The following SH3BGRL variants were observed in gnomAD, a reference collection of about 807,000 sequenced individuals.
SH3BGRL encodes SH3 domain binding glutamate rich protein like, also known as adapter SH3BGRL.
Under a neutral mutation model 9.8 loss-of-function variants are expected in SH3BGRL, and 7 were observed. The ratio of observed to expected loss-of-function variants is 0.72; its 90% confidence interval spans 0.41 to 1.35. The LOEUF (loss-of-function observed/expected upper bound fraction) is 1.35, where lower values mean the gene tolerates loss of function less well. Ranked by LOEUF, SH3BGRL falls within the 40% of genes most tolerant of loss-of-function variation. The probability of loss-of-function intolerance (pLI) is 0.01; values close to 1 mark genes in which losing one functional copy is unlikely to be tolerated. For synonymous variants in SH3BGRL, 36 were observed against 29.1 expected (o/e 1.24, Z -0.76); for missense variants, 73 against 84.4 (o/e 0.86, Z 0.53).
Position 81,250,356 on chromosome X carries a change from G to A in SH3BGRL, c.46-26628G>A, listed in dbSNP as rs1436810043. Among the ~76,000 whole-genome samples, 5 of 106,274 alleles carry A rather than the reference G, an allele frequency of 4.7e-5. No individual in the cohort carries two copies. In the East Asian group the frequency reaches 1.5e-3, roughly 31 times the overall value. 92.3% of individuals were successfully genotyped at this position (106,274 alleles called of 115,157 possible). On this transcript the variant is annotated intron_variant, in intron 1 of 3. Transcript: ENST00000373212. ...CAGAGGTTGCAGTGAGCCAAGATCC[G>A]AGATCTCGCCACTGCATTCCAGCCT...
chrX:81,241,498 C>A (rs2075669521), intron 1 of SH3BGRL, among the ~76,000 whole-genome samples: 1 of 111,807 alleles, frequency 8.9e-6, no homozygotes, highest in African/African-American at 3.3e-5. Flanking sequence ...AATCAATAAT[C>A]ATTTCCTCCC....
rs375895178 is a variant in SH3BGRL at position 81,289,685 on chromosome X, C to A, written c.313-7510C>A. 7.6e-4 allele frequency among the ~76,000 whole-genome samples: 84 copies of A among 110,698 alleles called. 2 individuals carry two copies. In the East Asian group the frequency reaches 0.019, roughly 25 times the overall value. On this transcript the variant is annotated intron_variant, in intron 3 of 3. Transcript: ENST00000373212. ...CCTGCCTGACCAACAAGGTGAAACCCCGTCTCTACTAAAAATACAAAAATT... is the reference window on the plus strand; with the variant it reads ...CCTGCCTGACCAACAAGGTGAAACCACGTCTCTACTAAAAATACAAAAATT...
intron 1 of SH3BGRL, among the ~76,000 whole-genome samples, chrX:81,270,992 G>A (rs1278704583): frequency 8.9e-6 from 1 of 112,065 alleles, no homozygotes; most frequent in East Asian, 2.8e-4. Context: ...CGTGTCCCAG[G>A]TCAATCTCAG....
intron 1 of SH3BGRL, among the ~76,000 whole-genome samples, chrX:81,260,877 C>T (rs898379760): frequency 1.8e-5 from 2 of 110,754 alleles, no homozygotes; most frequent in East Asian, 5.6e-4. Context: ...ACTGATCCTT[C>T]CCTAGAAGCA....
At chrX:81,207,859 A>G (rs1024357378) in intron 1 of SH3BGRL, among the ~76,000 whole-genome samples, 3 of 112,128 alleles carry the variant, frequency 2.7e-5, no homozygotes, top group Non-Finnish European at 5.6e-5. Flanking sequence ...TGGCCCAAAA[A>G]GAGGCTGATC....
intron 1 of SH3BGRL, among the ~76,000 whole-genome samples, chrX:81,246,036 G>A (rs1176705235): frequency 9.0e-6 from 1 of 111,332 alleles, no homozygotes; most frequent in Non-Finnish European, 1.9e-5. Flanking sequence ...ATCTCATTGT[G>A]GTTTTGATTA....
intron 1 of SH3BGRL, among the ~76,000 whole-genome samples, chrX:81,211,412 C>T (rs915091127): frequency 1.8e-5 from 2 of 110,980 alleles, no homozygotes; most frequent in Admixed American, 1.9e-4. Context: ...GGTGAAACCC[C>T]GTCTCTACTG....
intron 1 of SH3BGRL, among the ~76,000 whole-genome samples, chrX:81,229,683 G>T (rs987929279): frequency 9.0e-6 from 1 of 111,575 alleles, no homozygotes; most frequent in Non-Finnish European, 1.9e-5. Context: ...TCTTACACTA[G>T]TGTGTTCCTT....
chrX:81,265,692 A>G (rs754660012), intron 1 of SH3BGRL, among the ~76,000 whole-genome samples: 72 of 112,253 alleles, frequency 6.4e-4, no homozygotes, highest in African/African-American at 2.3e-3. Flanking sequence ...TCTTTATTGT[A>G]GAATGATTTA....
At chrX:81,211,323 G>A (rs745452972) in intron 1 of SH3BGRL, among the ~76,000 whole-genome samples, 7 of 111,996 alleles carry the variant, frequency 6.3e-5, no homozygotes, top group Admixed American at 4.7e-4. Context: ...GGTGGCTCAC[G>A]CCTGTAATCT....
chrX:81,234,158 C>T (rs1261383572), intron 1 of SH3BGRL, among the ~76,000 whole-genome samples: 1 of 111,615 alleles, frequency 9.0e-6, no homozygotes, highest in Non-Finnish European at 1.9e-5. Flanking sequence ...TACATAGTCT[C>T]TTTATTGGCC....
chrX:81,260,616 C>G (rs897782340), intron 1 of SH3BGRL, among the ~76,000 whole-genome samples: 3 of 110,671 alleles, frequency 2.7e-5, no homozygotes, highest in African/African-American at 9.9e-5. Context: ...CCTAATATAC[C>G]CACTTACTTG....
rs368521942 is a variant in SH3BGRL, at chrX:81,264,799, G to C, written c.46-12185G>C. Among the ~76,000 whole-genome samples the C allele has an allele frequency of 4.3e-4, 47 of 110,296 alleles. No homozygotes were observed. In the East Asian group the frequency reaches 0.01, roughly 24 times the overall value. The stretch of plus-strand genomic sequence containing the variant: ...CGAGAGTAGAATTGGCTTTAGGGTA[G>C]GATGTTACTCTCAGTGCTCCTTATT... On this transcript the variant is annotated intron_variant, in intron 1 of 3. Coordinates refer to ENST00000373212, the MANE Select transcript of SH3BGRL (RefSeq NM_003022.3).
intron 3 of SH3BGRL, among the ~76,000 whole-genome samples, chrX:81,282,328 GAACTT>G (rs1195112432): frequency 8.9e-6 from 1 of 111,858 alleles, no homozygotes; most frequent in African/African-American, 3.2e-5. Flanking sequence ...TGGAGCAAAT[GAACTT>G]AACAGATATA....
intron 1 of SH3BGRL, among the ~76,000 whole-genome samples, chrX:81,232,366 T>C (rs937259319): frequency 4.7e-5 from 5 of 105,807 alleles, no homozygotes; most frequent in African/African-American, 1.4e-4. Flanking sequence ...ACAGTAACGG[T>C]TCAATAAATA....
chrX:81,289,174 G>A (rs947440557), intron 3 of SH3BGRL, among the ~76,000 whole-genome samples: 1 of 112,119 alleles, frequency 8.9e-6, no homozygotes, highest in Admixed American at 9.4e-5. Context: ...ATACACTGGG[G>A]AAAAGAGAGT....
At chrX:81,213,265 G>A (rs1239838340) in intron 1 of SH3BGRL, among the ~76,000 whole-genome samples, 1 of 111,906 alleles carries the variant, frequency 8.9e-6, no homozygotes, top group Non-Finnish European at 1.9e-5. Flanking sequence ...AATCATGACC[G>A]AATTCTACAC....
At chrX:81,274,040 G>C (rs1011059338) in intron 1 of SH3BGRL, among the ~76,000 whole-genome samples, 1 of 111,848 alleles carries the variant, frequency 8.9e-6, no homozygotes, top group African/African-American at 3.2e-5. Context: ...CCTGGACAGT[G>C]CATTGTCCAC....
At chrX:81,275,318 C>T (rs769656962) in intron 1 of SH3BGRL, among the ~76,000 whole-genome samples, 14 of 111,118 alleles carry the variant, frequency 1.3e-4, no homozygotes, top group Admixed American at 3.8e-4. Context: ...AGGCCAGTCT[C>T]GAATTCCTGG....
Sources: allele counts gnomAD v4.1 joint callset (sites outside exome capture counted in the v4.1 genomes callset), GRCh38; gene constraint gnomAD v4.1.1; transcripts MANE v1.5; gene names NCBI Gene and HGNC (gene_info 2026-07-23, HGNC 2026-07-21).